LRRIQ3: variants seen among roughly 807,000 people sequenced by gnomAD.
LRRIQ3 encodes leucine-rich repeat and IQ domain-containing protein 3.
In LRRIQ3, 75 loss-of-function variants were observed where a neutral mutation model predicts 59.3. The ratio of observed to expected loss-of-function variants is 1.26; its 90% CI spans 1.05 to 1.53. The LOEUF (loss-of-function observed/expected upper bound fraction) is 1.53, where lower values mean the gene tolerates loss of function less well. Among genes scored for constraint, LRRIQ3 ranks in the 40% most tolerant of loss-of-function variants. The pLI is 0.00. For missense variants in LRRIQ3, 831 were observed against 710.0 expected, an observed-to-expected ratio of 1.17 and a Z score of -1.94; for synonymous variants, 250 against 231.3, an observed-to-expected ratio of 1.08 and a Z score of -0.73.
At chr1:74,111,491 T>C (rs1646694042) in intron 4 of LRRIQ3, among the ~76,000 whole-genome samples, 1 of 152,162 alleles carries the variant, frequency 6.6e-6, no homozygotes, top group South Asian at 2.1e-4. Context: ...TGGAAAGTCA[T>C]TGCAGAGCTT....
chr1:74,149,718 T>A (rs975934771), intron 4 of LRRIQ3, among the ~76,000 whole-genome samples: 1 of 152,232 alleles, frequency 6.6e-6, no homozygotes, highest in Non-Finnish European at 1.5e-5. Flanking sequence ...TAACTTCTGC[T>A]ATTTTTCTAT....
chr1:74,186,370 T>A (rs1451214355), intron 1 of LRRIQ3, among the ~76,000 whole-genome samples: 2 of 152,162 alleles, frequency 1.3e-5, no homozygotes, highest in Non-Finnish European at 1.5e-5. Context: ...GAGTTTTTTC[T>A]ATTTTCCTTA....
Position 74,132,323 on chromosome 1 carries a change from C to G in LRRIQ3, c.708-22770G>C, listed in dbSNP as rs527906761. Among the ~76,000 whole-genome samples the G allele has an allele frequency of 4.6e-5, 7 of 152,182 alleles. No individual in the cohort carries two copies. In the East Asian group the frequency reaches 1.4e-3, roughly 29 times the overall value. ...CCAAGGTAATTTATAGATTCAATGC[C>G]ATCCCCATCAAACTACCAATGACTT... is the stretch of plus-strand genomic sequence containing the variant. On this transcript the variant is annotated intron_variant, in intron 4 of 7. Coordinates refer to ENST00000354431, the MANE Select transcript of LRRIQ3 (RefSeq NM_001105659.2).
At chr1:74,133,371 C>T (rs1210397867) in intron 4 of LRRIQ3, among the ~76,000 whole-genome samples, 1 of 151,974 alleles carries the variant, frequency 6.6e-6, no homozygotes, top group African/African-American at 2.4e-5. Flanking sequence ...GGTATATACC[C>T]AAAGGATTAT....
intron 4 of LRRIQ3, among the ~76,000 whole-genome samples, chr1:74,133,057 G>A (rs938621935): frequency 9.2e-5 from 14 of 151,908 alleles, no homozygotes; most frequent in African/African-American, 2.9e-4. Flanking sequence ...GGGCAAATAT[G>A]AACAGACACT....
intron 4 of LRRIQ3, among the ~76,000 whole-genome samples, chr1:74,146,496 C>T (rs1030683610): frequency 4.6e-5 from 7 of 151,784 alleles, no homozygotes; most frequent in African/African-American, 7.3e-5. Flanking sequence ...ATGAACTGAT[C>T]GATAAAAATT....
chr1:74,103,794 C>CA (rs1286231588), intron 5 of LRRIQ3, among the ~76,000 whole-genome samples: 1 of 150,978 alleles, frequency 6.6e-6, no homozygotes, highest in Non-Finnish European at 1.5e-5. Context: ...CCTTCCCCCC[C>CA]CCGCCATATT....
intron 3 of LRRIQ3, among the ~76,000 whole-genome samples, chr1:74,159,654 C>A (rs532649400): frequency 3.3e-5 from 5 of 152,130 alleles, no homozygotes; most frequent in African/African-American, 9.6e-5. Flanking sequence ...CAAGTGAAAA[C>A]CTTCCTTGTA....
At chr1:74,099,854 C>A (rs1300625217) in intron 5 of LRRIQ3, among the ~76,000 whole-genome samples, 2 of 152,150 alleles carry the variant, frequency 1.3e-5, no homozygotes, top group African/African-American at 4.8e-5. Flanking sequence ...CAGAATTCAA[C>A]AGCCTTTCAT....
chr1:74,182,793 G>A lies in LRRIQ3; in HGVS notation c.318C>T (p.Asp106=). ...LKNLKLLYLH[D]NGFAKLKNIC... ...TATTCTTTAACTTTGCAAACCCATT[G>A]TCATGAAGATAGAGTAGTTTTAGGT... The change falls in exon 3 of 8, where the codon GAC becomes GAT. Residue 106 remains aspartate, a synonymous_variant. Transcript: ENST00000354431. The A allele has an allele frequency of 6.2e-7, 1 of 1,609,540 alleles. No homozygotes were observed. Among genetic ancestry groups the A allele is most frequent in the Non-Finnish European group, 8.5e-7 (1 of 1,177,346 alleles).
At chr1:74,058,118 T>C (rs1419848406) in intron 6 of LRRIQ3, among the ~76,000 whole-genome samples, 1 of 152,052 alleles carries the variant, frequency 6.6e-6, no homozygotes, top group Non-Finnish European at 1.5e-5. Context: ...TTATACACTG[T>C]TGGTAGGAGC....
chr1:74,110,626 G>T (rs1344682361), intron 4 of LRRIQ3, among the ~76,000 whole-genome samples: 1 of 151,926 alleles, frequency 6.6e-6, no homozygotes, highest in African/African-American at 2.4e-5. Context: ...GAGGTAGATG[G>T]TTACCATTAT....
At position 74,182,743 on chromosome 1, in the gene LRRIQ3, G is replaced by C; in HGVS notation, c.368C>G (p.Thr123Ser). The C allele has an allele frequency of 6.2e-7, 1 of 1,612,420 alleles. No homozygotes were observed. The highest frequency in any genetic ancestry group is 8.5e-7 in the Non-Finnish European group (1 of 1,178,828). Residue 123 changes from threonine (T) to serine (S), a missense_variant, in exon 3 of 8, where the codon ACC becomes AGC. Physicochemically the swap from Thr to Ser is moderately conservative, Grantham distance 58 (BLOSUM62 1). Coordinates refer to ENST00000354431, the MANE Select transcript of LRRIQ3 (RefSeq NM_001105659.2). Reference protein sequence around the residue: ...KNICVLSACPTLIALTMFDCP... With the variant: ...KNICVLSACPSLIALTMFDCP... Reference sequence around the variant, plus strand: ...ATCAAACATAGTGAGGGCAATGAGGGTTGGACAGGCAGATAATACACATAT... The same window carrying C: ...ATCAAACATAGTGAGGGCAATGAGGCTTGGACAGGCAGATAATACACATAT...
At chr1:74,049,105 A>T (rs1219871101) in intron 6 of LRRIQ3, among the ~76,000 whole-genome samples, 2 of 152,172 alleles carry the variant, frequency 1.3e-5, no homozygotes, top group African/African-American at 4.8e-5. Flanking sequence ...ACATTCCAGA[A>T]GAAAAGAGAA....
intron 7 of LRRIQ3, among the ~76,000 whole-genome samples, chr1:74,028,732 GA>G (rs1235054898): frequency 6.6e-6 from 1 of 151,868 alleles, no homozygotes; most frequent in African/African-American, 2.4e-5. Context: ...TCTTTATAAA[GA>G]GGACATTTCA....
chr1:74,067,750 G>C (rs1024876576), intron 6 of LRRIQ3, among the ~76,000 whole-genome samples: 1 of 152,024 alleles, frequency 6.6e-6, no homozygotes, highest in East Asian at 1.9e-4. Context: ...AAGCCCATAC[G>C]CTTAATCTAA....
At chr1:74,139,128 A>C in intron 4 of LRRIQ3, among the ~76,000 whole-genome samples, 1 of 5,390 alleles carries the variant, frequency 1.9e-4, no homozygotes. Flanking sequence ...GTGTGTGTGT[A>C]TATATATATA....
chr1:74,043,395 AG>A (rs1476363688), intron 6 of LRRIQ3, among the ~76,000 whole-genome samples: 1 of 152,168 alleles, frequency 6.6e-6, no homozygotes, highest in Non-Finnish European at 1.5e-5. Context: ...CTAGACGGAC[AG>A]TAGAAAATAA....
Position 74,198,159 on chromosome 1 carries a change from C to T in LRRIQ3, c.-164G>A. On this transcript the variant is annotated 5_prime_UTR_variant, in exon 1 of 8. Transcript: ENST00000354431. ...ATGGTTTTCCGGGCGCCAGCCAAGG[C>T]GCTCCGGGGGCGTGGTTACGTGGGC... The T allele has an allele frequency of 1.3e-6, 2 of 1,506,726 alleles. No homozygotes were observed. Among genetic ancestry groups the T allele is most frequent in the East Asian group, 2.3e-5 (1 of 43,548 alleles). The allele number at this position is 1,506,726 out of a possible 1,614,324, so 93.3% of individuals were successfully genotyped here.
Sources: allele counts gnomAD v4.1 joint callset (sites outside exome capture counted in the v4.1 genomes callset), GRCh38; gene constraint gnomAD v4.1.1; transcripts MANE v1.5; gene names NCBI Gene and HGNC (gene_info 2026-07-23, HGNC 2026-07-21).